The following R3HDM1 variants were observed in gnomAD, a reference collection of about 807,000 sequenced individuals.
R3HDM1 encodes R3H domain-containing protein 1.
A neutral mutation model predicts 141.1 loss-of-function variants in R3HDM1; 46 were observed. That is an observed-to-expected ratio of 0.33 (90% confidence interval 0.26 to 0.42). The LOEUF is 0.42. Among genes scored for constraint, R3HDM1 ranks in the 10% least tolerant of loss-of-function variants. The probability of loss-of-function intolerance (pLI) is 1.00; values close to 1 mark genes in which losing one functional copy is unlikely to be tolerated. For synonymous variants in R3HDM1, 435 were observed against 472.9 expected (o/e 0.92, Z 1.04); for missense variants, 1,184 against 1,368.3 (o/e 0.87, Z 2.12).
chr2:135,684,008 A>G (rs947414944), intron 21 of R3HDM1, among the ~76,000 whole-genome samples: 5 of 152,088 alleles, frequency 3.3e-5, no homozygotes, highest in African/African-American at 1.2e-4. Context: ...ATACTCAAGC[A>G]CCTGGAACAG....
chr2:135,624,008 T>C (rs918076972), intron 7 of R3HDM1, among the ~76,000 whole-genome samples: 1 of 152,038 alleles, frequency 6.6e-6, no homozygotes, highest in Non-Finnish European at 1.5e-5. Flanking sequence ...GGAAGGGCAT[T>C]TGAGATAGAG....
In R3HDM1 at chr2:135,639,061, A is replaced by G; in HGVS notation, c.1158A>G (p.Ser386=). 1 of 1,614,104 alleles carries G rather than the reference A, an allele frequency of 6.2e-7. No individual in the cohort carries two copies. The highest frequency in any genetic ancestry group is 8.5e-7 in the Non-Finnish European group (1 of 1,179,932). The change falls in exon 14 of 27, where the codon TCA becomes TCG. Residue 386 remains serine, a synonymous_variant. Transcript: ENST00000683871. ...VTKASSFSGI[S]VLTRGDSSGS... ...AAGCCAGCAGCTTCAGTGGAATCTCAGTCCTGACAAGAGGTGATAGTTCTG... is the reference window on the plus strand; with the variant it reads ...AAGCCAGCAGCTTCAGTGGAATCTCGGTCCTGACAAGAGGTGATAGTTCTG...
At chr2:135,707,472 G>A (rs2075093533) in intron 21 of R3HDM1, among the ~76,000 whole-genome samples, 1 of 152,208 alleles carries the variant, frequency 6.6e-6, no homozygotes, top group African/African-American at 2.4e-5. Flanking sequence ...TTTACCTAAC[G>A]GGTAATCTAG....
intron 1 of R3HDM1, among the ~76,000 whole-genome samples, chr2:135,581,742 A>G (rs1249205684): frequency 1.3e-5 from 2 of 152,100 alleles, no homozygotes; most frequent in African/African-American, 4.8e-5. Flanking sequence ...TAGCCTTCTA[A>G]GTTTTACTTT....
At chr2:135,672,179 A>G (rs781314149) in intron 19 of R3HDM1, among the ~76,000 whole-genome samples, 7 of 152,228 alleles carry the variant, frequency 4.6e-5, no homozygotes, top group Non-Finnish European at 8.8e-5. Flanking sequence ...CAAAAACTCA[A>G]TCCTAGCTTA....
Position 135,588,807 on chromosome 2 carries a change from T to C in R3HDM1, c.-249-13693T>C, listed in dbSNP as rs533581669. ...AAGATAATACCCCACTTCATAGTTA[T>C]ATTTCAGATTATGGGTAAACTTGTA... On this transcript the variant is annotated intron_variant, in intron 1 of 26. Coordinates refer to ENST00000683871, the MANE Select transcript of R3HDM1 (RefSeq NM_001378107.1). Among the ~76,000 whole-genome samples, 4 of 152,316 alleles carry C rather than the reference T, an allele frequency of 2.6e-5. No homozygotes were observed. The East Asian group carries it at 5.8e-4, about 22-fold the overall frequency.
chr2:135,605,179 G>A, intron 3 of R3HDM1, 163 bp downstream of exon 3: 1 of 552,938 alleles, frequency 1.8e-6, no homozygotes, highest in Non-Finnish European at 3.1e-6. Context: ...CTTGCTGTGA[G>A]TCTTAACTTG....
chr2:135,698,196 G>A (rs1177849457), intron 21 of R3HDM1, among the ~76,000 whole-genome samples: 1 of 141,622 alleles, frequency 7.1e-6, no homozygotes, highest in Admixed American at 7.3e-5. Flanking sequence ...GTCTCACTCT[G>A]TCACCCAGGC....
Position 135,599,081 on chromosome 2 carries a change from T to C in R3HDM1, c.-249-3419T>C, listed in dbSNP as rs533984819. Among the ~76,000 whole-genome samples, 7 of 152,332 alleles carry C rather than the reference T, an allele frequency of 4.6e-5. No individual in the cohort carries two copies. The South Asian group carries it at 1.4e-3, about 32-fold the overall frequency. ...AGATTTCCTATATATCCTTGTGCAT[T>C]CATAGTTTTACTTTTTTAAGGTTAT... is the stretch of plus-strand genomic sequence containing the variant. On this transcript the variant is annotated intron_variant, in intron 1 of 26. Coordinates refer to ENST00000683871, the MANE Select transcript of R3HDM1 (RefSeq NM_001378107.1).
chr2:135,720,247 G>C (rs1173635366), intron 24 of R3HDM1, among the ~76,000 whole-genome samples: 1 of 152,168 alleles, frequency 6.6e-6, no homozygotes, highest in Non-Finnish European at 1.5e-5. Context: ...TTGGGAAAGA[G>C]TATGTCATGC....
At position 135,619,658 on chromosome 2, in the gene R3HDM1, A is replaced by G. The variant is rs188912287; in HGVS notation, c.304-1836A>G. Reference sequence around the variant, plus strand: ...ATAAATAAATTGCACCTGAGTGGAAATTGGAAAATAAATTATTTCTCATGA... The same window carrying G: ...ATAAATAAATTGCACCTGAGTGGAAGTTGGAAAATAAATTATTTCTCATGA... On this transcript the variant is annotated intron_variant, in intron 5 of 26. Coordinates refer to ENST00000683871, the MANE Select transcript of R3HDM1 (RefSeq NM_001378107.1). 8.7e-4 allele frequency: 689 copies of G among 788,348 alleles called. 1 individual carries two copies. The highest frequency in any genetic ancestry group is 2.0e-3 in the Middle Eastern group (3 of 1,526). 48.8% of individuals were successfully genotyped at this position (788,348 alleles called of 1,614,324 possible).
At chr2:135,666,464 T>C (rs1039283272) in intron 19 of R3HDM1, among the ~76,000 whole-genome samples, 2 of 152,170 alleles carry the variant, frequency 1.3e-5, no homozygotes, top group Non-Finnish European at 2.9e-5. Context: ...TCAGCATAGA[T>C]TCAGACATTG....
In R3HDM1 at chr2:135,620,614, T is replaced by C. The variant is rs940252323; in HGVS notation, c.304-880T>C. ...AAAGTCTACGTGTCTGATTGATGGTTTTCTTGACTATAGAACAACAGTATA... is the reference window on the plus strand; with the variant it reads ...AAAGTCTACGTGTCTGATTGATGGTCTTCTTGACTATAGAACAACAGTATA... On this transcript the variant is annotated intron_variant, in intron 5 of 26. Transcript: ENST00000683871. 9.2e-6 allele frequency: 9 copies of C among 980,772 alleles called. No individual in the cohort carries two copies. The African/African-American group carries it at 1.6e-4, about 17-fold the overall frequency. The allele number at this position is 980,772 out of a possible 1,614,324, so 60.8% of individuals were successfully genotyped here.
chr2:135,666,935 A>AAAAT, intron 19 of R3HDM1: 1 of 272,920 alleles, frequency 3.7e-6, no homozygotes, highest in Non-Finnish European at 5.6e-6. Context: ...AAAAAAAAAA[A>AAAAT]AGAAAACTAC....
chr2:135,557,075 A>G (rs2104946269), intron 1 of R3HDM1, among the ~76,000 whole-genome samples: 1 of 152,268 alleles, frequency 6.6e-6, no homozygotes. Flanking sequence ...GAAGACTGAA[A>G]TGTGGGATCT....
chr2:135,611,600 A>G (rs1273840645), intron 3 of R3HDM1, among the ~76,000 whole-genome samples: 1 of 152,040 alleles, frequency 6.6e-6, no homozygotes, highest in East Asian at 1.9e-4. Flanking sequence ...ACCTCCCCAC[A>G]TTTTCAGTAC....
chr2:135,563,092 T>G (rs1384328307), intron 1 of R3HDM1, among the ~76,000 whole-genome samples: 1 of 152,228 alleles, frequency 6.6e-6, no homozygotes, highest in Non-Finnish European at 1.5e-5. Context: ...TGTGAGTGTT[T>G]CGTTTCATTT....
chr2:135,606,187 G>C (rs1393175424), intron 3 of R3HDM1: 1 of 152,292 alleles, frequency 6.6e-6, no homozygotes, highest in Non-Finnish European at 1.5e-5. Flanking sequence ...GCTGGGCTCA[G>C]GTAGAACTAG....
chr2:135,659,311 G>A (rs1222121369), intron 18 of R3HDM1, among the ~76,000 whole-genome samples: 1 of 152,024 alleles, frequency 6.6e-6, no homozygotes, highest in Non-Finnish European at 1.5e-5. Context: ...CGCCCAGGCT[G>A]GTCTTGAACT....
Sources: allele counts gnomAD v4.1 joint callset (sites outside exome capture counted in the v4.1 genomes callset), GRCh38; gene constraint gnomAD v4.1.1; transcripts MANE v1.5; gene names NCBI Gene and HGNC (gene_info 2026-07-23, HGNC 2026-07-21).